Variants in MANBA observed in about 807,000 individuals in gnomAD.
MANBA encodes the protein beta-mannosidase.
Under a neutral mutation model 111.1 loss-of-function variants are expected in MANBA, and 83 were observed. That is an observed-to-expected ratio of 0.75 (90% CI 0.63 to 0.90). MANBA has a LOEUF of 0.90. Ranked by LOEUF, MANBA falls within the 40% of genes least tolerant of loss-of-function variation. MANBA has a pLI of 0.00. For missense variants in MANBA, 1,036 were observed against 1,069.0 expected (o/e 0.97, Z 0.43); for synonymous variants, 370 against 378.7 (o/e 0.98, Z 0.27).
At chr4:102,748,981 T>C (rs1199311187) in intron 1 of MANBA, among the ~76,000 whole-genome samples, 1 of 152,116 alleles carries the variant, frequency 6.6e-6, no homozygotes, top group East Asian at 1.9e-4. Flanking sequence ...TAAGATTAAT[T>C]TATCTCTTTT....
intron 1 of MANBA, chr4:102,752,505 T>A (rs1279439815): frequency 5.5e-6 from 4 of 731,512 alleles, no homozygotes; most frequent in Admixed American, 5.2e-5. Context: ...CAAGAAGTTG[T>A]ATGATCTGGC....
intron 7 of MANBA, among the ~76,000 whole-genome samples, chr4:102,677,024 T>C (rs759465087): frequency 3.7e-4 from 57 of 152,242 alleles, no homozygotes; most frequent in Non-Finnish European, 6.2e-4. Flanking sequence ...TATCCTGCAT[T>C]ATGAAATGAG....
chr4:102,682,527 A>G (rs1276282307), intron 7 of MANBA, among the ~76,000 whole-genome samples: 1 of 152,228 alleles, frequency 6.6e-6, no homozygotes, highest in Non-Finnish European at 1.5e-5. Flanking sequence ...TGACAAGAAT[A>G]AGGCCAAAAG....
chr4:102,645,041 C>A (rs1448321702), intron 13 of MANBA, among the ~76,000 whole-genome samples: 1 of 151,952 alleles, frequency 6.6e-6, no homozygotes, highest in Non-Finnish European at 1.5e-5. Context: ...ATTACTACAG[C>A]TTTGAAGTAA....
chr4:102,677,121 C>T (rs1350440399), intron 7 of MANBA, among the ~76,000 whole-genome samples: 1 of 152,048 alleles, frequency 6.6e-6, no homozygotes, highest in Admixed American at 6.5e-5. Context: ...CTGAATTGGC[C>T]TTGTTCACGA....
chr4:102,726,494 C>CAAA, intron 2 of MANBA, 95 bp downstream of exon 2: 62 of 635,462 alleles, frequency 9.8e-5, no homozygotes, highest in South Asian at 1.7e-4. Context: ...ACATACAAAA[C>CAAA]AAAAAAAAAA....
chr4:102,732,109 C>A (rs1723054327), intron 1 of MANBA, among the ~76,000 whole-genome samples: 2 of 152,104 alleles, frequency 1.3e-5, no homozygotes, highest in Non-Finnish European at 2.9e-5. Context: ...TGGGTTTTCA[C>A]CATGTTGGTC....
chr4:102,632,290 G>GAA lies in MANBA; in HGVS notation c.2416-11_2416-10dup. 12 of 1,390,758 alleles carry GAA rather than the reference G, an allele frequency of 8.6e-6. No homozygotes were observed. The highest frequency in any genetic ancestry group is 1.1e-5 in the Non-Finnish European group (11 of 996,602). The allele number at this position is 1,390,758 out of a possible 1,614,324, so 86.2% of individuals were successfully genotyped here. A position where few individuals can be genotyped will look rare whatever the true frequency, so the allele number is the denominator to read the frequency against. On this transcript the variant is annotated splice_polypyrimidine_tract_variant and intron_variant, in intron 16 of 16. Coordinates refer to ENST00000647097, the MANE Select transcript of MANBA (RefSeq NM_005908.4). The stretch of plus-strand genomic sequence containing the variant: ...TGCTGAGAGATGATGGCCTGAAAAA[G>GAA]AAAAAAAAAAATGAATGAAGTGAAG...
chr4:102,735,324 A>G (rs977305573), intron 1 of MANBA, among the ~76,000 whole-genome samples: 11 of 151,938 alleles, frequency 7.2e-5, no homozygotes, highest in African/African-American at 2.7e-4. Context: ...CCTCTTTTCA[A>G]CCCTTCAACC....
At chr4:102,638,672 C>T (rs919851645) in intron 14 of MANBA, among the ~76,000 whole-genome samples, 9 of 152,192 alleles carry the variant, frequency 5.9e-5, no homozygotes, top group African/African-American at 2.2e-4. Flanking sequence ...ACCTTTCCAG[C>T]ATCCCAGAAG....
At chr4:102,669,435 T>C (rs1465537042) in intron 9 of MANBA, among the ~76,000 whole-genome samples, 7 of 152,262 alleles carry the variant, frequency 4.6e-5, no homozygotes, top group Non-Finnish European at 1.0e-4. Flanking sequence ...TTAAGAATCA[T>C]ACTTCATTTA....
rs190439332 is a variant in MANBA, at chr4:102,730,856, A to C, written c.178-4173T>G. ...GTTCTTCCTTGCGCCTAGTTACCAT[A>C]AACAGCCTACCCGCTTCCCGTCAGC... is the stretch of plus-strand genomic sequence containing the variant. On this transcript the variant is annotated intron_variant, in intron 1 of 16. Transcript: ENST00000647097. The C allele has an allele frequency of 4.4e-5, 16 of 361,034 alleles. No homozygotes were observed. In the East Asian group the frequency reaches 1.1e-3, roughly 24 times the overall value. The allele number at this position is 361,034 out of a possible 1,614,324, so 22.4% of individuals were successfully genotyped here.
intron 5 of MANBA, among the ~76,000 whole-genome samples, chr4:102,697,463 T>C (rs112605985): frequency 0.027 from 4,143 of 151,456 alleles, 135 homozygotes; most frequent in African/African-American, 0.076. Context: ...CCACTAAACT[T>C]GTCATCTATC....
chr4:102,646,414 T>C (rs1730105784), intron 13 of MANBA, among the ~76,000 whole-genome samples: 1 of 152,044 alleles, frequency 6.6e-6, no homozygotes, highest in Non-Finnish European at 1.5e-5. Flanking sequence ...CACCTACCTT[T>C]TGTCCTAGTT....
intron 10 of MANBA, chr4:102,667,264 G>GGGA (rs1731269203): frequency 6.6e-6 from 1 of 152,134 alleles, no homozygotes; most frequent in African/African-American, 2.4e-5. Flanking sequence ...ACCAATGCTA[G>GGGA]GGAGTCCAAT....
chr4:102,734,470 T>C, intron 1 of MANBA: 2 of 1,604,294 alleles, frequency 1.2e-6, no homozygotes, highest in Non-Finnish European at 8.5e-7. Context: ...ATCTGTGTGC[T>C]GGCCATCATC....
intron 1 of MANBA, among the ~76,000 whole-genome samples, chr4:102,740,141 A>G (rs977619518): frequency 4.6e-5 from 7 of 152,220 alleles, no homozygotes; most frequent in African/African-American, 1.7e-4. Flanking sequence ...ACTCCTATAC[A>G]CCAACAGCGA....
chr4:102,718,484 C>T (rs1040724065), intron 4 of MANBA, among the ~76,000 whole-genome samples: 6 of 152,116 alleles, frequency 3.9e-5, no homozygotes, highest in Admixed American at 6.5e-5. Flanking sequence ...TTTAGGAGAA[C>T]AAGGATGTGG....
At position 102,650,524 on chromosome 4, in the gene MANBA, GA is replaced by G; in HGVS notation, c.1869+12del. ...GCAGGAACCTGTTCAATTCTAGAAT[GA>G]AAACAACTTACCTGAGTAAGGTAGA... On this transcript the variant is annotated intron_variant, in intron 13 of 16. Transcript: ENST00000647097. 1.2e-6 allele frequency: 2 copies of G among 1,603,626 alleles called. No homozygotes were observed. Among genetic ancestry groups the G allele is most frequent in the Non-Finnish European group, 1.7e-6 (2 of 1,170,534 alleles).
Sources: allele counts gnomAD v4.1 joint callset (sites outside exome capture counted in the v4.1 genomes callset), GRCh38; gene constraint gnomAD v4.1.1; transcripts MANE v1.5; gene names NCBI Gene and HGNC (gene_info 2026-07-23, HGNC 2026-07-21).